The following PALLD variants were observed in gnomAD, a reference collection of about 807,000 sequenced individuals.
PALLD encodes palladin, cytoskeletal associated protein.
A neutral mutation model predicts 123.5 loss-of-function variants in PALLD; 61 were observed. The ratio of observed to expected loss-of-function variants is 0.49; its 90% CI spans 0.40 to 0.61. The LOEUF is 0.61. Among genes scored for constraint, PALLD ranks in the 20% least tolerant of loss-of-function variants. The pLI is 0.00. For missense variants in PALLD, 1,273 were observed against 1,377.0 expected (o/e 0.92, Z 1.20); for synonymous variants, 465 against 496.4 (o/e 0.94, Z 0.84).
chr4:168,604,051 G>A (rs1013434208), intron 2 of PALLD, among the ~76,000 whole-genome samples: 4 of 152,136 alleles, frequency 2.6e-5, no homozygotes, highest in Non-Finnish European at 4.4e-5. Context: ...GCTTCTTCTC[G>A]TGTAGTAATT....
intron 10 of PALLD, among the ~76,000 whole-genome samples, chr4:168,786,989 A>G (rs1736853066): frequency 6.6e-6 from 1 of 152,172 alleles, no homozygotes; most frequent in Admixed American, 6.5e-5. Flanking sequence ...CAAACTTATT[A>G]TCTATCCATC....
intron 2 of PALLD, among the ~76,000 whole-genome samples, chr4:168,525,347 C>T (rs11931212): frequency 0.022 from 3,382 of 152,290 alleles, 49 homozygotes; most frequent in Middle Eastern, 0.038. Context: ...AACTTTGGAA[C>T]GAGAGATTGT....
chr4:168,765,427 C>T (rs1306556346), intron 10 of PALLD, among the ~76,000 whole-genome samples: 1 of 152,080 alleles, frequency 6.6e-6, no homozygotes. Flanking sequence ...CTGGAAATTC[C>T]ATCCAAAGAG....
chr4:168,581,361 T>C, intron 2 of PALLD, among the ~76,000 whole-genome samples: 1 of 152,056 alleles, frequency 6.6e-6, no homozygotes, highest in East Asian at 1.9e-4. Flanking sequence ...CAGTTTCCAT[T>C]CCCACCAACA....
chr4:168,774,088 TA>T (rs999740308), intron 10 of PALLD, among the ~76,000 whole-genome samples: 9 of 149,910 alleles, frequency 6.0e-5, no homozygotes, highest in Non-Finnish European at 1.0e-4. Flanking sequence ...TTTTTGCGAT[TA>T]AAAAAAATAT....
intron 15 of PALLD, among the ~76,000 whole-genome samples, chr4:168,905,173 T>A (rs1757424715): frequency 8.8e-6 from 1 of 113,770 alleles, no homozygotes; most frequent in Non-Finnish European, 1.7e-5. Flanking sequence ...TTTTTTGAGA[T>A]GGAATCTCAC....
intron 10 of PALLD, among the ~76,000 whole-genome samples, chr4:168,714,488 C>G (rs1020613908): frequency 2.2e-4 from 34 of 152,150 alleles, no homozygotes; most frequent in African/African-American, 7.5e-4. Flanking sequence ...AGAACAGCAT[C>G]TGAGTTATTG....
intron 10 of PALLD, among the ~76,000 whole-genome samples, chr4:168,787,378 C>T (rs940621707): frequency 3.9e-5 from 6 of 152,114 alleles, no homozygotes; most frequent in African/African-American, 4.8e-5. Flanking sequence ...ATAATAAGTG[C>T]GGTTTATCTG....
intron 10 of PALLD, among the ~76,000 whole-genome samples, chr4:168,809,943 T>C (rs1740829457): frequency 6.7e-6 from 1 of 149,814 alleles, no homozygotes; most frequent in Non-Finnish European, 1.5e-5. Context: ...GTCAGGGAAG[T>C]GTTAATAGAA....
At chr4:168,893,823 A>T (rs2151210130) in intron 11 of PALLD, among the ~76,000 whole-genome samples, 1 of 152,362 alleles carries the variant, frequency 6.6e-6, no homozygotes, top group African/African-American at 2.4e-5. Flanking sequence ...GCGAGATGCA[A>T]GAACACTACC....
At chr4:168,516,081 T>C (rs1762963980) in intron 2 of PALLD, among the ~76,000 whole-genome samples, 2 of 152,104 alleles carry the variant, frequency 1.3e-5, no homozygotes, top group Non-Finnish European at 2.9e-5. Flanking sequence ...GGACTGAAAA[T>C]ATGTTTTCCT....
chr4:168,556,244 C>T (rs1580297524), intron 2 of PALLD, among the ~76,000 whole-genome samples: 1 of 152,152 alleles, frequency 6.6e-6, no homozygotes, highest in Admixed American at 6.5e-5. Flanking sequence ...TACAGGTGCC[C>T]ACCACCACGC....
chr4:168,734,214 C>T (rs1310891449), intron 10 of PALLD, among the ~76,000 whole-genome samples: 1 of 151,626 alleles, frequency 6.6e-6, no homozygotes, highest in Non-Finnish European at 1.5e-5. Flanking sequence ...TCATTTGTTT[C>T]CCAAAAAAAT....
At position 168,691,310 on chromosome 4, in the gene PALLD, G is replaced by GTTT; in HGVS notation, c.1501+27_1501+29dup. ...TGAACCTGGTAAGAATATTTTTAGG[G>GTTT]TTTTTTTTTTTGGTGGTGGGGGAGC... On this transcript the variant is annotated intron_variant, in intron 8 of 21. Transcript: ENST00000505667. The GTTT allele has an allele frequency of 1.7e-5, 22 of 1,300,006 alleles. No individual in the cohort carries two copies. The highest frequency in any genetic ancestry group is 2.0e-4 in the Middle Eastern group (1 of 5,014). 80.5% of individuals were successfully genotyped at this position (1,300,006 alleles called of 1,614,324 possible).
chr4:168,718,770 C>G lies in PALLD; in HGVS notation c.1964+6847C>G, dbSNP rs903971178. 2.6e-5 allele frequency among the ~76,000 whole-genome samples: 4 copies of G among 152,086 alleles called. No homozygotes were observed. In the South Asian group the frequency reaches 8.3e-4, roughly 32 times the overall value. On this transcript the variant is annotated intron_variant, in intron 10 of 21. Coordinates refer to ENST00000505667, the MANE Select transcript of PALLD (RefSeq NM_001166108.2). ...GTGCCTACCCACCACATATACTGTT[C>G]TGCACCATGCCTTTTCTATTTAGCA...
chr4:168,801,732 T>C (rs1022607289), intron 10 of PALLD, among the ~76,000 whole-genome samples: 2 of 152,156 alleles, frequency 1.3e-5, no homozygotes, highest in Admixed American at 1.3e-4. Flanking sequence ...TTAAGATGTC[T>C]CTCCTTTTGT....
chr4:168,794,508 A>ACACACACATG, intron 10 of PALLD, among the ~76,000 whole-genome samples: 1 of 134,318 alleles, frequency 7.4e-6, no homozygotes, highest in Non-Finnish European at 1.6e-5. Context: ...ACACACACGC[A>ACACACACATG]CACACACACA....
chr4:168,723,891 CTTTT>C (rs59055427), intron 10 of PALLD, among the ~76,000 whole-genome samples: 9 of 111,772 alleles, frequency 8.1e-5, no homozygotes, highest in African/African-American at 3.2e-4. Flanking sequence ...TTGAGTTGGG[CTTTT>C]TTTTTTTTTT....
chr4:168,698,377 G>A (rs964675102), intron 8 of PALLD, among the ~76,000 whole-genome samples: 1 of 151,770 alleles, frequency 6.6e-6, no homozygotes, highest in Non-Finnish European at 1.5e-5. Context: ...TTTAATTGGA[G>A]TATAATTGGA....
Sources: gnomAD v4.1 joint callset for allele counts (sites outside exome capture counted in the v4.1 genomes callset) on GRCh38, gnomAD v4.1.1 for gene constraint, MANE v1.5 for transcripts, NCBI Gene and HGNC (gene_info 2026-07-23, HGNC 2026-07-21) for gene names.